ERBB4: variants seen among roughly 807,000 people sequenced by gnomAD.
ERBB4 encodes the protein receptor tyrosine-protein kinase erbB-4.
ERBB4 carries 42 observed loss-of-function variants against 158.0 expected under a neutral mutation model. The ratio of observed to expected loss-of-function variants is 0.27; its 90% CI spans 0.21 to 0.34. The LOEUF (loss-of-function observed/expected upper bound fraction) is 0.34, where lower values mean the gene tolerates loss of function less well. ERBB4 is among the 10% of genes least tolerant of loss of function. ERBB4 has a pLI of 1.00. For synonymous variants in ERBB4, 583 were observed against 558.7 expected (o/e 1.04, Z -0.61); for missense variants, 1,333 against 1,624.1 (o/e 0.82, Z 3.08).
At chr2:211,847,320 C>T (rs1212604089) in intron 3 of ERBB4, among the ~76,000 whole-genome samples, 4 of 152,056 alleles carry the variant, frequency 2.6e-5, no homozygotes, top group South Asian at 4.1e-4. Context: ...AGTCAACAAG[C>T]GGTTACAATA....
chr2:211,444,235 G>T (rs2064057303), intron 20 of ERBB4, among the ~76,000 whole-genome samples: 1 of 54,440 alleles, frequency 1.8e-5, no homozygotes, highest in South Asian at 7.4e-4. Flanking sequence ...TAATTAGGAA[G>T]AATTAAAAAA....
chr2:211,538,123 G>A (rs2066705706), intron 20 of ERBB4, among the ~76,000 whole-genome samples: 1 of 144,770 alleles, frequency 6.9e-6, no homozygotes, highest in African/African-American at 2.9e-5. Context: ...TAGTCCTTTA[G>A]TATTCTTTGA....
intron 18 of ERBB4, among the ~76,000 whole-genome samples, chr2:211,622,244 C>T (rs1334447223): frequency 6.6e-6 from 1 of 152,098 alleles, no homozygotes; most frequent in East Asian, 1.9e-4. Flanking sequence ...ATGATACAGT[C>T]TGAGTCTGTT....
At chr2:211,845,136 T>C (rs1237723187) in intron 3 of ERBB4, among the ~76,000 whole-genome samples, 1 of 151,680 alleles carries the variant, frequency 6.6e-6, no homozygotes, top group Non-Finnish European at 1.5e-5. Context: ...AGGTGGAAGG[T>C]TTCCCCAAAG....
intron 25 of ERBB4, among the ~76,000 whole-genome samples, chr2:211,406,282 T>C (rs1231153224): frequency 6.6e-6 from 1 of 152,172 alleles, no homozygotes; most frequent in African/African-American, 2.4e-5. Flanking sequence ...TGGGAAACCA[T>C]TAGTTCAGAT....
intron 3 of ERBB4, among the ~76,000 whole-genome samples, chr2:211,816,917 T>C (rs1414596230): frequency 6.6e-6 from 1 of 152,154 alleles, no homozygotes; most frequent in Non-Finnish European, 1.5e-5. Flanking sequence ...CTAGATGACA[T>C]GTAAAACTCT....
intron 2 of ERBB4, among the ~76,000 whole-genome samples, chr2:211,970,035 T>C (rs2125197993): frequency 6.6e-6 from 1 of 152,254 alleles, no homozygotes; most frequent in South Asian, 2.1e-4. Flanking sequence ...CATTTAGTGC[T>C]ACAAATTTCC....
At chr2:211,752,563 A>G (rs2075166294) in intron 4 of ERBB4, among the ~76,000 whole-genome samples, 1 of 151,900 alleles carries the variant, frequency 6.6e-6, no homozygotes, top group Non-Finnish European at 1.5e-5. Context: ...AGAAAGAGGA[A>G]GGAAGGAAGG....
chr2:212,314,412 A>G (rs965650224), intron 1 of ERBB4, among the ~76,000 whole-genome samples: 1 of 150,850 alleles, frequency 6.6e-6, no homozygotes. Context: ...AGTTTAGATC[A>G]AAGTCTGTGG....
rs921053875 is a variant in ERBB4, at chr2:211,712,117, T to C, written c.1057A>G (p.Ile353Val). Residue 353 changes from isoleucine to valine, a missense_variant, in exon 9 of 28, where the codon ATT becomes GTT. By Grantham distance (29) the Ile-to-Val change is conservative. Transcript: ENST00000342788. ...MSAQTVDSSN[I>V]DKFINCTKIN... ...TTGGTACAGTTTATGAATTTGTCAA[T>C]GTTACTGGAATCCACAGTCTGAGCT... 2 of 1,612,598 alleles carry C rather than the reference T, an allele frequency of 1.2e-6. No homozygotes were observed. The highest frequency in any genetic ancestry group is 1.7e-6 in the Non-Finnish European group (2 of 1,178,748).
intron 20 of ERBB4, among the ~76,000 whole-genome samples, chr2:211,494,122 T>A (rs2065412065): frequency 6.6e-6 from 1 of 152,074 alleles, no homozygotes; most frequent in African/African-American, 2.4e-5. Context: ...TGGGCTTCAG[T>A]CTCTCAAGTA....
chr2:211,412,938 G>A (rs2125382521), intron 25 of ERBB4, among the ~76,000 whole-genome samples: 1 of 137,238 alleles, frequency 7.3e-6, no homozygotes, highest in Non-Finnish European at 1.6e-5. Flanking sequence ...TGGCAACAGA[G>A]TGGGACTGTC....
At chr2:212,451,245 G>A (rs895342972) in intron 1 of ERBB4, among the ~76,000 whole-genome samples, 5 of 152,096 alleles carry the variant, frequency 3.3e-5, no homozygotes, top group African/African-American at 7.2e-5. Flanking sequence ...CTGTGAAGCT[G>A]GAGAGTATTT....
At chr2:211,770,908 A>G (rs1481549956) in intron 4 of ERBB4, among the ~76,000 whole-genome samples, 1 of 152,218 alleles carries the variant, frequency 6.6e-6, no homozygotes, top group Admixed American at 6.5e-5. Flanking sequence ...AGTTTCGCAA[A>G]ACAACAGAGA....
At chr2:211,867,055 C>T (rs911166687) in intron 3 of ERBB4, among the ~76,000 whole-genome samples, 8 of 93,892 alleles carry the variant, frequency 8.5e-5, no homozygotes, top group Admixed American at 3.4e-4. Flanking sequence ...AAAAAAAGAT[C>T]GTGTTCTTTC....
At chr2:211,485,695 AC>A (rs2065185809) in intron 20 of ERBB4, among the ~76,000 whole-genome samples, 1 of 129,042 alleles carries the variant, frequency 7.7e-6, no homozygotes, top group African/African-American at 2.9e-5. Context: ...AACATGTCGC[AC>A]CCCAAACTCA....
At chr2:212,362,631 A>T (rs1241716390) in intron 1 of ERBB4, among the ~76,000 whole-genome samples, 1 of 150,978 alleles carries the variant, frequency 6.6e-6, no homozygotes, top group South Asian at 2.1e-4. Context: ...TGGTTTATAA[A>T]TTGCCATATT....
chr2:211,993,909 T>A (rs1459382907), intron 2 of ERBB4, among the ~76,000 whole-genome samples: 1 of 151,812 alleles, frequency 6.6e-6, no homozygotes, highest in Non-Finnish European at 1.5e-5. Flanking sequence ...AAAACTTACT[T>A]TTTTATAATT....
chr2:211,837,820 G>GTA (rs1255392723), intron 3 of ERBB4, among the ~76,000 whole-genome samples: 1 of 152,060 alleles, frequency 6.6e-6, no homozygotes, highest in East Asian at 1.9e-4. Flanking sequence ...TATGTTCCAG[G>GTA]TATTATACAG....
Sources: allele counts gnomAD v4.1 joint callset (sites outside exome capture counted in the v4.1 genomes callset), GRCh38; gene constraint gnomAD v4.1.1; transcripts MANE v1.5; gene names NCBI Gene and HGNC (gene_info 2026-07-23, HGNC 2026-07-21).